SCD5: variants seen among roughly 807,000 people sequenced by gnomAD.
SCD5 encodes acyl-CoA-desaturase 4.
SCD5 carries 20 observed loss-of-function variants against 30.4 expected under a neutral mutation model. The observed-to-expected ratio is 0.66, with a 90% CI of 0.46 to 0.96. The LOEUF (loss-of-function observed/expected upper bound fraction) is 0.96, where lower values mean the gene tolerates loss of function less well. Ranked by LOEUF, SCD5 falls within the 40% of genes least tolerant of loss-of-function variation. The probability of loss-of-function intolerance (pLI) is 0.00; values close to 1 mark genes in which losing one functional copy is unlikely to be tolerated. For synonymous variants in SCD5, 173 were observed against 176.4 expected (o/e 0.98, Z 0.16); for missense variants, 381 against 443.3 (o/e 0.86, Z 1.26).
In SCD5 at chr4:82,709,136, T is replaced by C. The variant is rs939860106; in HGVS notation, c.233-3723A>G. ...GATTGCCTGTGCCCTGGAAGCAGAG[T>C]TCATTCTAGCAGGAGGAACTTGAAT... is the stretch of plus-strand genomic sequence containing the variant. On this transcript the variant is annotated intron_variant, in intron 1 of 4. Transcript: ENST00000319540. Among the ~76,000 whole-genome samples, 16 of 152,254 alleles carry C rather than the reference T, an allele frequency of 1.1e-4. No homozygotes were observed. In the East Asian group the frequency reaches 2.5e-3, roughly 24 times the overall value.
At chr4:82,704,097 T>TTGTGTTATA (rs565173313) in intron 2 of SCD5, among the ~76,000 whole-genome samples, 156 of 152,344 alleles carry the variant, frequency 1.0e-3, no homozygotes, top group Non-Finnish European at 1.1e-3. Context: ...AATTGACCTA[T>TTGTGTTATA]TGTGTTATAT....
At chr4:82,763,963 C>G (rs1721432310) in intron 1 of SCD5, among the ~76,000 whole-genome samples, 1 of 152,156 alleles carries the variant, frequency 6.6e-6, no homozygotes. Context: ...TAGAGCCACT[C>G]CAGCCTTCTT....
intron 3 of SCD5, among the ~76,000 whole-genome samples, chr4:82,638,241 C>T (rs1207050217): frequency 6.6e-6 from 1 of 151,940 alleles, no homozygotes; most frequent in African/African-American, 2.4e-5. Context: ...ATTCTTTTAC[C>T]CTTCTCCTAT....
rs868598058 is a variant in SCD5, at chr4:82,705,381, C to T, written c.265G>A (p.Val89Met). ...YFCFLLAALGVTAGAHRLWSH... is the reference protein window; with the variant it reads ...YFCFLLAALGMTAGAHRLWSH... ...CACAAGCGATGGGCACCAGCTGTCA[C>T]ACCCAGAGCGGCCAGGAGGAAGCAG... The change falls in exon 2 of 5, where the codon GTG (valine) becomes ATG (methionine). Residue 89 changes from valine (V) to methionine (M), a missense_variant. By Grantham distance (21) the Val-to-Met change is conservative. Coordinates refer to ENST00000319540, the MANE Select transcript of SCD5 (RefSeq NM_001037582.3). 6.2e-7 allele frequency: 1 copy of T among 1,614,230 alleles called. No individual in the cohort carries two copies. Among genetic ancestry groups the T allele is most frequent in the Non-Finnish European group, 8.5e-7 (1 of 1,180,040 alleles).
At chr4:82,655,486 G>A (rs747345947) in intron 3 of SCD5, among the ~76,000 whole-genome samples, 1 of 152,192 alleles carries the variant, frequency 6.6e-6, no homozygotes, top group Non-Finnish European at 1.5e-5. Context: ...AGTTGCAAAA[G>A]TATAAAAGTA....
chr4:82,700,129 A>ATCT (rs1362271799), intron 2 of SCD5, among the ~76,000 whole-genome samples: 1 of 152,024 alleles, frequency 6.6e-6, no homozygotes, highest in African/African-American at 2.4e-5. Context: ...AGGCATGAGA[A>ATCT]TCTCTTGAAC....
At chr4:82,729,148 A>G (rs1720571671) in intron 1 of SCD5, among the ~76,000 whole-genome samples, 1 of 152,204 alleles carries the variant, frequency 6.6e-6, no homozygotes, top group Non-Finnish European at 1.5e-5. Flanking sequence ...AAATGGCAAC[A>G]CCAAAATTAA....
intron 3 of SCD5, among the ~76,000 whole-genome samples, chr4:82,640,615 A>G (rs1394366098): frequency 1.3e-5 from 2 of 152,228 alleles, no homozygotes; most frequent in Admixed American, 1.3e-4. Flanking sequence ...GACTATCTCA[A>G]GCCGACTTAG....
chr4:82,680,417 C>T (rs1728542901), intron 3 of SCD5, among the ~76,000 whole-genome samples: 1 of 152,112 alleles, frequency 6.6e-6, no homozygotes, highest in African/African-American at 2.4e-5. Context: ...TGGGGAAACA[C>T]AGAAACAGAT....
At chr4:82,736,211 C>T (rs1720746789) in intron 1 of SCD5, among the ~76,000 whole-genome samples, 1 of 151,738 alleles carries the variant, frequency 6.6e-6, no homozygotes, top group African/African-American at 2.4e-5. Context: ...TCACTTGAGC[C>T]CAGGAGGCAG....
chr4:82,774,726 G>A (rs1356691392), intron 1 of SCD5, among the ~76,000 whole-genome samples: 2 of 152,150 alleles, frequency 1.3e-5, no homozygotes. Flanking sequence ...GAAGAAAACT[G>A]TTACATAGAC....
chr4:82,785,078 C>T (rs761865942), intron 1 of SCD5, among the ~76,000 whole-genome samples: 1 of 151,998 alleles, frequency 6.6e-6, no homozygotes, highest in Non-Finnish European at 1.5e-5. Context: ...AAGTAAAGTG[C>T]AGATCTCATC....
chr4:82,699,415 C>T (rs6849343), intron 2 of SCD5, among the ~76,000 whole-genome samples: 143,311 of 152,024 alleles, frequency 0.94, 67,672 homozygotes, highest in East Asian at 1. Context: ...GACAGAGACT[C>T]GCTCTGTCAC....
At position 82,798,550 on chromosome 4, in the gene SCD5, T is replaced by G. The variant is rs781662010; in HGVS notation, c.-13A>C. 3.2e-6 allele frequency: 5 copies of G among 1,559,540 alleles called. No homozygotes were observed. Among genetic ancestry groups the G allele is most frequent in the Non-Finnish European group, 4.3e-6 (5 of 1,153,980 alleles). On this transcript the variant is annotated 5_prime_UTR_variant, in exon 1 of 5. Coordinates refer to ENST00000319540, the MANE Select transcript of SCD5 (RefSeq NM_001037582.3). ...CCGGGCCTGGCATGGCTGGGCGAGG[T>G]GGGCGCCCGCAGCAGCGGCAGGCAG...
intron 1 of SCD5, among the ~76,000 whole-genome samples, chr4:82,715,094 G>A (rs746915776): frequency 2.4e-4 from 36 of 151,478 alleles, no homozygotes; most frequent in Admixed American, 5.2e-4. Flanking sequence ...AAAATTAGCC[G>A]GGTGTGGTGG....
At chr4:82,690,480 T>C (rs1267931972) in intron 2 of SCD5, among the ~76,000 whole-genome samples, 1 of 152,218 alleles carries the variant, frequency 6.6e-6, no homozygotes, top group African/African-American at 2.4e-5. Context: ...TAATCTCAGC[T>C]TTTCCCCTTC....
chr4:82,750,691 AAAAGAAAGCACTGTTGG>A (rs1648939486), intron 1 of SCD5, among the ~76,000 whole-genome samples: 1 of 151,914 alleles, frequency 6.6e-6, no homozygotes, highest in Non-Finnish European at 1.5e-5. Flanking sequence ...ATGTCTGTTT[AAAAGAAAGCACTGTTGG>A]AGAAGAGGAA....
intron 1 of SCD5, among the ~76,000 whole-genome samples, chr4:82,730,929 C>T (rs146288539): frequency 9.5e-4 from 144 of 152,312 alleles, no homozygotes; most frequent in African/African-American, 3.2e-3. Flanking sequence ...CTCTCTTGAA[C>T]GACTGCTTCT....
chr4:82,798,489 T>C lies in SCD5; in HGVS notation c.49A>G (p.Lys17Glu). Residue 17 changes from lysine (K) to glutamate (E), a missense_variant, in exon 1 of 5, where the codon AAG (lysine) becomes GAG (glutamate). Physicochemically the swap from Lys to Glu is moderately conservative, Grantham distance 56. Coordinates refer to ENST00000319540, the MANE Select transcript of SCD5 (RefSeq NM_001037582.3). ...TCGAGCCCGGCACGGATTTCTTCCT[T>C]GGCGTCGCAGAAAGGGATCTTCCCC... ...DAGKIPFCDA[K>E]EEIRAGLESS... 6.2e-7 allele frequency: 1 copy of C among 1,611,288 alleles called. No homozygotes were observed. Among genetic ancestry groups the C allele is most frequent in the Non-Finnish European group, 8.5e-7 (1 of 1,178,954 alleles).
Sources: gnomAD v4.1 joint callset for allele counts (sites outside exome capture counted in the v4.1 genomes callset) on GRCh38, gnomAD v4.1.1 for gene constraint, MANE v1.5 for transcripts, NCBI Gene and HGNC (gene_info 2026-07-23, HGNC 2026-07-21) for gene names.